Variants in AGMO observed in about 807,000 individuals in gnomAD.
AGMO encodes glyceryl-ether monooxygenase.
In AGMO, 75 loss-of-function variants were observed where a neutral mutation model predicts 60.2. That is an observed-to-expected ratio of 1.25 (90% CI 1.03 to 1.51). The LOEUF (loss-of-function observed/expected upper bound fraction) is 1.51. AGMO is among the 40% of genes most tolerant of loss of function. The pLI, the probability that AGMO is intolerant of heterozygous loss-of-function variation, is 0.00. For missense variants in AGMO, 763 were observed against 525.5 expected (o/e 1.45, Z -4.42); for synonymous variants, 261 against 177.1 (o/e 1.47, Z -3.76).
chr7:15,459,345 G>T (rs1000992772), intron 3 of AGMO, among the ~76,000 whole-genome samples: 2 of 152,138 alleles, frequency 1.3e-5, no homozygotes, highest in Admixed American at 1.3e-4. Flanking sequence ...GATGCAGTGA[G>T]AAAAGGTGCT....
chr7:15,225,876 T>C (rs1782066398), intron 12 of AGMO, among the ~76,000 whole-genome samples: 1 of 152,028 alleles, frequency 6.6e-6, no homozygotes, highest in Non-Finnish European at 1.5e-5. Flanking sequence ...GTGGCTGTTT[T>C]TGACATTTTT....
chr7:15,531,574 A>C (rs1474546619), intron 3 of AGMO, among the ~76,000 whole-genome samples: 1 of 111,790 alleles, frequency 8.9e-6, no homozygotes, highest in Admixed American at 1.1e-4. Context: ...TATATATTCC[A>C]TATATATATT....
intron 3 of AGMO, among the ~76,000 whole-genome samples, chr7:15,518,402 G>T (rs765877609): frequency 3.9e-5 from 6 of 152,176 alleles, no homozygotes; most frequent in Non-Finnish European, 7.3e-5. Flanking sequence ...GGGGTCAACA[G>T]GCACCTCATA....
intron 3 of AGMO, among the ~76,000 whole-genome samples, chr7:15,490,020 C>T (rs751891107): frequency 2.2e-4 from 33 of 152,220 alleles, no homozygotes; most frequent in Non-Finnish European, 3.8e-4. Flanking sequence ...ACATGGCACA[C>T]TGAATGGAAA....
chr7:15,340,858 T>G (rs557772498), intron 12 of AGMO, among the ~76,000 whole-genome samples: 1 of 152,048 alleles, frequency 6.6e-6, no homozygotes, highest in South Asian at 2.1e-4. Context: ...CACTGCCTAG[T>G]GGAGCTGTGA....
intron 3 of AGMO, among the ~76,000 whole-genome samples, chr7:15,527,691 T>A (rs1221031473): frequency 6.6e-6 from 1 of 152,182 alleles, no homozygotes; most frequent in Non-Finnish European, 1.5e-5. Flanking sequence ...ACAATTTTCA[T>A]AGTTAGAAGT....
the AGMO span, among the ~76,000 whole-genome samples, chr7:15,186,610 A>T: frequency 6.6e-6 from 1 of 152,240 alleles, no homozygotes; most frequent in East Asian, 1.9e-4. Context: ...GAAGGAAAGA[A>T]TTCTAAGAGC....
At chr7:15,511,839 T>A (rs1219539323) in intron 3 of AGMO, among the ~76,000 whole-genome samples, 1 of 151,966 alleles carries the variant, frequency 6.6e-6, no homozygotes, top group Non-Finnish European at 1.5e-5. Flanking sequence ...GACACAGACA[T>A]CCACATGTAT....
At chr7:15,123,657 G>A in the AGMO span, among the ~76,000 whole-genome samples, 2 of 151,752 alleles carry the variant, frequency 1.3e-5, no homozygotes, top group African/African-American at 4.8e-5. Flanking sequence ...CTCTCTCCTA[G>A]TTAGAAACAT....
intron 11 of AGMO, 53 bp downstream of exon 11, chr7:15,366,087 A>G: frequency 7.2e-7 from 1 of 1,383,524 alleles, no homozygotes; most frequent in Non-Finnish European, 1.0e-6. Flanking sequence ...CACTCTGTGG[A>G]AAATTCTTGA....
chr7:15,167,891 G>C, the AGMO span, among the ~76,000 whole-genome samples: 1 of 152,210 alleles, frequency 6.6e-6, no homozygotes, highest in Non-Finnish European at 1.5e-5. Flanking sequence ...ATGGGATATA[G>C]ACATCATCAT....
intron 12 of AGMO, among the ~76,000 whole-genome samples, chr7:15,321,907 A>C (rs1045003436): frequency 2.0e-5 from 3 of 152,206 alleles, no homozygotes; most frequent in African/African-American, 7.2e-5. Flanking sequence ...TATAATAATG[A>C]AAAATTGGAG....
chr7:15,145,718 T>C, the AGMO span, among the ~76,000 whole-genome samples: 1 of 152,154 alleles, frequency 6.6e-6, no homozygotes, highest in African/African-American at 2.4e-5. Flanking sequence ...ATGCTCACAG[T>C]AGAAGATATA....
chr7:15,279,284 C>T (rs1400292436), intron 12 of AGMO, among the ~76,000 whole-genome samples: 1 of 152,166 alleles, frequency 6.6e-6, no homozygotes, highest in Non-Finnish European at 1.5e-5. Flanking sequence ...GCTCAGCAGG[C>T]TGCCTGGCTT....
intron 12 of AGMO, among the ~76,000 whole-genome samples, chr7:15,288,073 G>A (rs539320248): frequency 6.6e-6 from 1 of 151,548 alleles, no homozygotes; most frequent in Admixed American, 6.6e-5. Context: ...GCCCAGGCTG[G>A]AGTGCATTGG....
the AGMO span, among the ~76,000 whole-genome samples, chr7:15,122,343 T>C: frequency 6.6e-6 from 1 of 152,128 alleles, no homozygotes; most frequent in Non-Finnish European, 1.5e-5. Context: ...TCATTCATTG[T>C]TCCTGTGTAC....
chr7:15,486,696 A>T (rs1782930105), intron 3 of AGMO, among the ~76,000 whole-genome samples: 1 of 152,234 alleles, frequency 6.6e-6, no homozygotes, highest in Non-Finnish European at 1.5e-5. Flanking sequence ...GCAAATAAAA[A>T]TAACAATGTT....
At chr7:15,155,547 T>C in the AGMO span, among the ~76,000 whole-genome samples, 1 of 151,616 alleles carries the variant, frequency 6.6e-6, no homozygotes, top group African/African-American at 2.4e-5. Flanking sequence ...TATACTGTTT[T>C]ACTATTTTCC....
downstream of AGMO, among the ~76,000 whole-genome samples, chr7:15,198,832 T>C (rs1351124064): frequency 2.6e-5 from 4 of 152,106 alleles, no homozygotes; most frequent in African/African-American, 4.8e-5. Flanking sequence ...CTGAAAAATA[T>C]CTCCAACACC....
Sources: allele counts gnomAD v4.1 joint callset (sites outside exome capture counted in the v4.1 genomes callset), GRCh38; gene constraint gnomAD v4.1.1; transcripts MANE v1.5; gene names NCBI Gene and HGNC (gene_info 2026-07-23, HGNC 2026-07-21).